The following NR3C2 variants were observed in gnomAD, a reference collection of about 807,000 sequenced individuals.
NR3C2 encodes the protein mineralocorticoid receptor.
NR3C2 carries 15 observed loss-of-function variants against 86.4 expected under a neutral mutation model. The observed-to-expected ratio is 0.17, with a 90% confidence interval of 0.12 to 0.27. NR3C2 has a LOEUF of 0.27. Among genes scored for constraint, NR3C2 ranks in the 10% least tolerant of loss-of-function variants. The probability of loss-of-function intolerance (pLI) is 1.00; values close to 1 mark genes in which losing one functional copy is unlikely to be tolerated. For missense variants in NR3C2, 960 were observed against 1,195.6 expected, an observed-to-expected ratio of 0.80 and a Z score of 2.91; for synonymous variants, 458 against 450.5, an observed-to-expected ratio of 1.02 and a Z score of -0.21.
chr4:148,287,028 T>G (rs573113404), intron 2 of NR3C2, among the ~76,000 whole-genome samples: 8 of 152,342 alleles, frequency 5.3e-5, no homozygotes, highest in African/African-American at 1.9e-4. Flanking sequence ...CCACATAATG[T>G]AGCACTCTAA....
chr4:148,211,336 T>C (rs61758894), intron 3 of NR3C2, among the ~76,000 whole-genome samples: 29 of 152,236 alleles, frequency 1.9e-4, no homozygotes, highest in Non-Finnish European at 3.8e-4. Flanking sequence ...GCTCCAACAG[T>C]GCTGAAAGCC....
chr4:148,296,321 T>C (rs1221013634), intron 2 of NR3C2, among the ~76,000 whole-genome samples: 1 of 152,074 alleles, frequency 6.6e-6, no homozygotes, highest in Non-Finnish European at 1.5e-5. Context: ...AAAGCAGTAG[T>C]CACAATTATT....
At chr4:148,327,754 G>T (rs1744040052) in intron 2 of NR3C2, among the ~76,000 whole-genome samples, 3 of 152,152 alleles carry the variant, frequency 2.0e-5, no homozygotes, top group African/African-American at 4.8e-5. Flanking sequence ...CTACCAAGCT[G>T]AGATGAAATT....
chr4:148,088,930 T>A (rs1730940415), intron 8 of NR3C2, among the ~76,000 whole-genome samples: 1 of 152,234 alleles, frequency 6.6e-6, no homozygotes, highest in African/African-American at 2.4e-5. Flanking sequence ...CTAATTTTTC[T>A]GTAGTTAGTT....
At chr4:148,401,159 A>T (rs1363682966) in intron 2 of NR3C2, among the ~76,000 whole-genome samples, 1 of 152,214 alleles carries the variant, frequency 6.6e-6, no homozygotes, top group East Asian at 1.9e-4. Context: ...TGAGACTCAC[A>T]GTATACCCAC....
intron 2 of NR3C2, among the ~76,000 whole-genome samples, chr4:148,267,856 T>G (rs1740476077): frequency 6.6e-6 from 1 of 152,158 alleles, no homozygotes; most frequent in African/African-American, 2.4e-5. Flanking sequence ...AAATTCTTAT[T>G]TTCAATACAC....
chr4:148,235,857 C>CA lies in NR3C2; in HGVS notation c.1897+24120dup, dbSNP rs1232194232. Reference sequence around the variant, plus strand: ...TTGAAATACCAAAATAATTCTAAAACAAAAAAATTTATCAGCAACTAGACT... The same window carrying CA: ...TTGAAATACCAAAATAATTCTAAAACAAAAAAAATTTATCAGCAACTAGACT... On this transcript the variant is annotated intron_variant, in intron 3 of 8. Transcript: ENST00000358102. Among the ~76,000 whole-genome samples the CA allele has an allele frequency of 8.5e-5, 13 of 152,202 alleles. No homozygotes were observed. In the East Asian group the frequency reaches 2.1e-3, roughly 25 times the overall value.
chr4:148,387,533 T>C (rs1374446359), intron 2 of NR3C2, among the ~76,000 whole-genome samples: 3 of 152,216 alleles, frequency 2.0e-5, no homozygotes, highest in African/African-American at 2.4e-5. Context: ...ATACTCTCAA[T>C]TGTATGCTTC....
At chr4:148,157,992 T>C (rs867814897) in intron 4 of NR3C2, among the ~76,000 whole-genome samples, 2 of 152,170 alleles carry the variant, frequency 1.3e-5, no homozygotes, top group Non-Finnish European at 1.5e-5. Flanking sequence ...CTTTAAGAAG[T>C]TTAATATTAA....
intron 4 of NR3C2, among the ~76,000 whole-genome samples, chr4:148,186,979 C>T (rs1735926165): frequency 9.3e-6 from 1 of 107,784 alleles, no homozygotes; most frequent in Admixed American, 1.1e-4. Flanking sequence ...TTCCATCATA[C>T]TGATGTGTGT....
chr4:148,112,357 G>A (rs1475286229), intron 8 of NR3C2, among the ~76,000 whole-genome samples: 10 of 152,332 alleles, frequency 6.6e-5, no homozygotes, highest in Non-Finnish European at 1.3e-4. Context: ...GAGAACTTAC[G>A]AAAGAACCAC....
At chr4:148,102,140 T>A (rs1487148684) in intron 8 of NR3C2, among the ~76,000 whole-genome samples, 1 of 152,190 alleles carries the variant, frequency 6.6e-6, no homozygotes, top group African/African-American at 2.4e-5. Context: ...CCATTCTGCC[T>A]CCTTTTCTTC....
intron 3 of NR3C2, among the ~76,000 whole-genome samples, chr4:148,207,437 AT>A (rs1737060466): frequency 1.3e-5 from 2 of 152,216 alleles, no homozygotes; most frequent in African/African-American, 4.8e-5. Context: ...CTTTAAACAT[AT>A]GTTTTAACCT....
chr4:148,412,841 A>ACACC (rs1553940177), intron 2 of NR3C2, among the ~76,000 whole-genome samples: 170 of 151,210 alleles, frequency 1.1e-3, no homozygotes, highest in East Asian at 3.1e-3. Context: ...ACACACACAC[A>ACACC]CCCCTTAGTT....
chr4:148,261,710 G>C (rs2149874088), intron 2 of NR3C2, among the ~76,000 whole-genome samples: 1 of 152,234 alleles, frequency 6.6e-6, no homozygotes, highest in South Asian at 2.1e-4. Flanking sequence ...CAAAGCTTTT[G>C]CCTCCAAGCC....
At chr4:148,189,917 G>A (rs1377975879) in intron 4 of NR3C2, among the ~76,000 whole-genome samples, 7 of 152,064 alleles carry the variant, frequency 4.6e-5, no homozygotes, top group African/African-American at 1.4e-4. Context: ...AGGTTATTTG[G>A]ATTTTCTCTC....
At chr4:148,301,827 A>C (rs1255366308) in intron 2 of NR3C2, among the ~76,000 whole-genome samples, 3 of 152,216 alleles carry the variant, frequency 2.0e-5, no homozygotes, top group African/African-American at 7.2e-5. Context: ...CCGGAGCACC[A>C]TGAAGAAAAG....
chr4:148,282,992 G>A (rs991112490), intron 2 of NR3C2, among the ~76,000 whole-genome samples: 1 of 152,134 alleles, frequency 6.6e-6, no homozygotes, highest in East Asian at 1.9e-4. Flanking sequence ...AGGTTAGAAG[G>A]AACGGGAAGG....
intron 4 of NR3C2, among the ~76,000 whole-genome samples, chr4:148,155,680 T>C (rs1053755530): frequency 4.0e-5 from 6 of 150,796 alleles, no homozygotes; most frequent in Admixed American, 6.6e-5. Flanking sequence ...AAAATGGCCA[T>C]ATTGCCCAAG....
Sources: allele counts gnomAD v4.1 joint callset (sites outside exome capture counted in the v4.1 genomes callset), GRCh38; gene constraint gnomAD v4.1.1; transcripts MANE v1.5; gene names NCBI Gene and HGNC (gene_info 2026-07-23, HGNC 2026-07-21).